Variants in GNAI3 observed in about 807,000 individuals in gnomAD.
GNAI3 encodes guanine nucleotide-binding protein G(i) subunit alpha-3.
In GNAI3, 12 loss-of-function variants were observed where a neutral mutation model predicts 41.8. That is an observed-to-expected ratio of 0.29 (90% CI 0.18 to 0.47). The LOEUF (loss-of-function observed/expected upper bound fraction) is 0.47. Ranked by LOEUF, GNAI3 falls within the 20% of genes least tolerant of loss-of-function variation. The probability of loss-of-function intolerance (pLI) is 1.00; values close to 1 mark genes in which losing one functional copy is unlikely to be tolerated. For synonymous variants in GNAI3, 132 were observed against 146.5 expected, an observed-to-expected ratio of 0.90 and a Z score of 0.71; for missense variants, 360 against 429.6, an observed-to-expected ratio of 0.84 and a Z score of 1.43.
chr1:109,589,606 G>A (rs980141037), intron 7 of GNAI3, among the ~76,000 whole-genome samples: 4 of 152,150 alleles, frequency 2.6e-5, no homozygotes, highest in Admixed American at 6.5e-5. Context: ...AAGAGTCTAG[G>A]TAGGATAAAT....
rs186998892 is a variant in GNAI3 at position 109,579,167 on chromosome 1, G to T, written c.304-37G>T. The T allele has an allele frequency of 7.6e-5, 118 of 1,542,572 alleles. No individual in the cohort carries two copies. The African/African-American group carries it at 1.3e-3, about 17-fold the overall frequency. On this transcript the variant is annotated intron_variant, in intron 3 of 8. Coordinates refer to ENST00000369851, the MANE Select transcript of GNAI3 (RefSeq NM_006496.4). Reference sequence around the variant, plus strand: ...ACTGTCATCAAGTCTTAAAGAAATGGAGAGTCATCTGTCTCTTTCTTAACT... The same window carrying T: ...ACTGTCATCAAGTCTTAAAGAAATGTAGAGTCATCTGTCTCTTTCTTAACT...
At chr1:109,587,765 CTG>C (rs1271790653) in intron 7 of GNAI3, among the ~76,000 whole-genome samples, 2 of 152,092 alleles carry the variant, frequency 1.3e-5, no homozygotes, top group Non-Finnish European at 2.9e-5. Context: ...ATAGAAGAAA[CTG>C]TGCTTGAGAA....
At chr1:109,548,933 C>A in intron 1 of GNAI3, 95 bp downstream of exon 1, 1 of 768,706 alleles carries the variant, frequency 1.3e-6, no homozygotes. Context: ...GGAAAGGACC[C>A]TAAAGGGATC....
chr1:109,596,309 A>C lies in GNAI3; in HGVS notation c.*3987A>C, dbSNP rs1488163129. On this transcript the variant is annotated 3_prime_UTR_variant, in exon 9 of 9. Transcript: ENST00000369851. ...ACATTTATGAGTTAGTTCTGCTGAG[A>C]ACAACATACTTCAGAACATGTCAGG... is the stretch of plus-strand genomic sequence containing the variant. 1.3e-5 allele frequency: 2 copies of C among 152,184 alleles called. No individual in the cohort carries two copies. Among genetic ancestry groups the C allele is most frequent in the Non-Finnish European group, 2.9e-5 (2 of 68,058 alleles). The allele number at this position is 152,184 out of a possible 1,614,324, so 9.4% of individuals were successfully genotyped here.
intron 6 of GNAI3, 85 bp from the exon 7 acceptor site, chr1:109,586,644 C>T: frequency 1.0e-6 from 1 of 992,878 alleles, no homozygotes; most frequent in Non-Finnish European, 1.5e-6. Flanking sequence ...TTTAGTGCTG[C>T]AAAACTTGTT....
intron 3 of GNAI3, among the ~76,000 whole-genome samples, chr1:109,578,470 CAAAAAAAAAAAA>C (rs35519193): frequency 2.4e-5 from 2 of 84,312 alleles, no homozygotes; most frequent in Non-Finnish European, 4.7e-5. Context: ...AACTCCGTCT[CAAAAAAAAAAAA>C]AAAAAAAAAG....
intron 1 of GNAI3, among the ~76,000 whole-genome samples, chr1:109,569,741 A>G (rs747087801): frequency 2.7e-4 from 41 of 152,118 alleles, no homozygotes; most frequent in Non-Finnish European, 2.4e-4. Context: ...TAATAAAGGG[A>G]AAGGCAAACT....
In GNAI3 at chr1:109,575,752, G is replaced by A. The variant is rs58050093; in HGVS notation, c.303+1715G>A. On this transcript the variant is annotated intron_variant, in intron 3 of 8. Coordinates refer to ENST00000369851, the MANE Select transcript of GNAI3 (RefSeq NM_006496.4). ...TCACCATGTTGGCCAGGCTGGTCTC[G>A]AACTCCTGACCTTGTGATCCGCCCG... Among the ~76,000 whole-genome samples the A allele has an allele frequency of 7.9e-3, 1,202 of 151,816 alleles. 47 individuals carry two copies. Among genetic ancestry groups the A allele is most frequent in the East Asian group, 0.077 (399 of 5,156 alleles).
chr1:109,549,015 G>T (rs1221396545), intron 1 of GNAI3, among the ~76,000 whole-genome samples, 177 bp downstream of exon 1: 1 of 152,110 alleles, frequency 6.6e-6, no homozygotes, highest in Non-Finnish European at 1.5e-5. Flanking sequence ...TGATGAGGGG[G>T]GTGGGGTTTT....
chr1:109,577,404 G>A (rs926572287), intron 3 of GNAI3, among the ~76,000 whole-genome samples: 1 of 151,712 alleles, frequency 6.6e-6, no homozygotes, highest in African/African-American at 2.4e-5. Flanking sequence ...AAACTCCCGA[G>A]TAGCTGGGAC....
intron 1 of GNAI3, among the ~76,000 whole-genome samples, chr1:109,566,946 AG>A (rs1648472973): frequency 6.6e-6 from 1 of 152,380 alleles, no homozygotes; most frequent in African/African-American, 2.4e-5. Flanking sequence ...CGGGAGCAGT[AG>A]GTACTCCTAT....
At chr1:109,576,617 C>T (rs1648749804) in intron 3 of GNAI3, among the ~76,000 whole-genome samples, 1 of 151,906 alleles carries the variant, frequency 6.6e-6, no homozygotes, top group African/African-American at 2.4e-5. Context: ...CTCCTGGGTT[C>T]AAGCGATTCT....
chr1:109,550,612 C>A (rs1647958186), intron 1 of GNAI3, among the ~76,000 whole-genome samples: 1 of 152,032 alleles, frequency 6.6e-6, no homozygotes. Flanking sequence ...CGTCTCACTG[C>A]AACCTCCACC....
intron 6 of GNAI3, 49 bp from the exon 7 acceptor site, chr1:109,586,679 TC>T: frequency 1.5e-6 from 2 of 1,359,150 alleles, no homozygotes; most frequent in Non-Finnish European, 2.0e-6. Context: ...ATTAACTTAA[TC>T]CACTTTTACT....
chr1:109,562,079 G>T (rs1335348558), intron 1 of GNAI3, among the ~76,000 whole-genome samples: 1 of 152,004 alleles, frequency 6.6e-6, no homozygotes, highest in African/African-American at 2.4e-5. Flanking sequence ...ATTTTAAGCT[G>T]TATTATGTAT....
chr1:109,554,767 TG>T (rs1297423391), intron 1 of GNAI3, among the ~76,000 whole-genome samples: 38 of 152,280 alleles, frequency 2.5e-4, no homozygotes, highest in African/African-American at 9.1e-4. Flanking sequence ...GGTTCTTGGT[TG>T]TGAAGTCTTT....
chr1:109,587,204 G>A (rs1274348466), intron 7 of GNAI3, among the ~76,000 whole-genome samples: 1 of 152,072 alleles, frequency 6.6e-6, no homozygotes, highest in Non-Finnish European at 1.5e-5. Flanking sequence ...GATCATTTGA[G>A]CCCAAGAGTT....
At chr1:109,557,555 G>A (rs1051903880) in intron 1 of GNAI3, among the ~76,000 whole-genome samples, 1 of 152,170 alleles carries the variant, frequency 6.6e-6, no homozygotes, top group Non-Finnish European at 1.5e-5. Flanking sequence ...TCAAGAATAG[G>A]TAAGAAATGA....
In GNAI3 at chr1:109,597,125, T is replaced by TAA. The variant is rs1649326219; in HGVS notation, c.*4803_*4804insAA. On this transcript the variant is annotated 3_prime_UTR_variant, in exon 9 of 9. Transcript: ENST00000369851. ...AAAAAGCTTTTGATTTTGGAGCATT[T>TAA]TAGATTTTGGATTTTCAGATTTGAA... 6.6e-6 allele frequency: 1 copy of TAA among 152,178 alleles called. No homozygotes were observed. The highest frequency in any genetic ancestry group is 1.5e-5 in the Non-Finnish European group (1 of 68,028). 9.4% of individuals were successfully genotyped at this position (152,178 alleles called of 1,614,324 possible). A position where few individuals can be genotyped will look rare whatever the true frequency, so the allele number is the denominator to read the frequency against.
Sources: allele counts gnomAD v4.1 joint callset (sites outside exome capture counted in the v4.1 genomes callset), GRCh38; gene constraint gnomAD v4.1.1; transcripts MANE v1.5; gene names NCBI Gene and HGNC (gene_info 2026-07-23, HGNC 2026-07-21).